The following VRK1 variants were observed in gnomAD, a reference collection of about 807,000 sequenced individuals.
VRK1 encodes the protein VRK serine/threonine kinase 1, also known as serine/threonine-protein kinase VRK1.
Under a neutral mutation model 57.1 loss-of-function variants are expected in VRK1, and 33 were observed. The ratio of observed to expected loss-of-function variants is 0.58; its 90% CI spans 0.44 to 0.77. VRK1 has a LOEUF of 0.77. Among genes scored for constraint, VRK1 ranks in the 30% least tolerant of loss-of-function variants. VRK1 has a pLI of 0.00. For synonymous variants in VRK1, 137 were observed against 147.8 expected (o/e 0.93, Z 0.53); for missense variants, 413 against 477.3 (o/e 0.87, Z 1.25).
chr14:96,847,163 G>T (rs998044454), intron 4 of VRK1, 94 bp from the exon 5 acceptor site: 38 of 903,684 alleles, frequency 4.2e-5, no homozygotes, highest in Non-Finnish European at 5.9e-5. Context: ...AATTCTTATT[G>T]CATGTATAAA....
intron 1 of VRK1, among the ~76,000 whole-genome samples, chr14:96,827,249 C>T (rs981812159): frequency 6.6e-5 from 10 of 152,004 alleles, no homozygotes; most frequent in Non-Finnish European, 1.5e-4. Context: ...CCTTTTTGCT[C>T]TATTTATATA....
rs187620259 is a variant in VRK1 at position 96,798,195 on chromosome 14, C to T, written c.-6+748C>T. ...GCAAGGGACTTTCATAACCGTTTGA[C>T]AGTTCCTCCTCATTCTGTCCTTACC... is the stretch of plus-strand genomic sequence containing the variant. On this transcript the variant is annotated intron_variant, in intron 1 of 12. Coordinates refer to ENST00000216639, the MANE Select transcript of VRK1 (RefSeq NM_003384.3). 2.0e-5 allele frequency among the ~76,000 whole-genome samples: 3 copies of T among 152,320 alleles called. No homozygotes were observed. In the East Asian group the frequency reaches 5.8e-4, roughly 29 times the overall value.
At chr14:96,835,889 A>G (rs553789294) in intron 2 of VRK1, among the ~76,000 whole-genome samples, 4 of 152,196 alleles carry the variant, frequency 2.6e-5, no homozygotes, top group African/African-American at 4.8e-5. Context: ...CTTGCACACC[A>G]TTGTTTTCAG....
chr14:96,859,573 T>C (rs769592988), intron 10 of VRK1, among the ~76,000 whole-genome samples: 10 of 152,344 alleles, frequency 6.6e-5, no homozygotes, highest in Non-Finnish European at 1.5e-4. Flanking sequence ...TTTCTTGGTA[T>C]ATTCCAAGTA....
At chr14:96,855,606 A>G (rs182426956) in intron 8 of VRK1, among the ~76,000 whole-genome samples, 2 of 152,260 alleles carry the variant, frequency 1.3e-5, no homozygotes, top group East Asian at 3.9e-4. Context: ...TTCAGCTGCC[A>G]TGAGGATTTC....
At chr14:96,871,843 C>T (rs143160299) in intron 11 of VRK1, among the ~76,000 whole-genome samples, 1,523 of 151,604 alleles carry the variant, frequency 0.01, 21 homozygotes, top group African/African-American at 0.034. Flanking sequence ...TTTTTTGAGA[C>T]GGAGTCTTGC....
chr14:96,807,966 CCT>C (rs1159471159), intron 1 of VRK1, among the ~76,000 whole-genome samples: 5 of 126,410 alleles, frequency 4.0e-5, no homozygotes, highest in Admixed American at 7.8e-5. Flanking sequence ...TCTCTCCCTC[CCT>C]CTCTCTCTGT....
chr14:96,876,015 AATTTTATAT>A lies in VRK1; in HGVS notation c.1069-14_1069-6del. The A allele has an allele frequency of 6.2e-7, 1 of 1,610,968 alleles. No individual in the cohort carries two copies. ...GTCAGATATCTCTCTCTCTCTCTTT[AATTTTATAT>A]GTAAGAAGCGAAAGAAAGAAATTGA... On this transcript the variant is annotated splice_region_variant and splice_polypyrimidine_tract_variant and intron_variant, in intron 11 of 12. Coordinates refer to ENST00000216639, the MANE Select transcript of VRK1 (RefSeq NM_003384.3).
At position 96,847,237 on chromosome 14, in the gene VRK1, A is replaced by C. The variant is rs767105576; in HGVS notation, c.287-20A>C. ...TTATGTATAACAATTGAAATCACAA[A>C]GATCTGTTTTAATTTGTAGTTCAGA... On this transcript the variant is annotated intron_variant, in intron 4 of 12. Coordinates refer to ENST00000216639, the MANE Select transcript of VRK1 (RefSeq NM_003384.3). The C allele has an allele frequency of 6.2e-7, 1 of 1,601,436 alleles. No individual in the cohort carries two copies. The highest frequency in any genetic ancestry group is 1.1e-5 in the South Asian group (1 of 90,800).
chr14:96,808,025 G>GTCTCTCTCTCTCCCTC (rs1885973148), intron 1 of VRK1, among the ~76,000 whole-genome samples: 1 of 35,742 alleles, frequency 2.8e-5, no homozygotes, highest in African/African-American at 8.0e-5. Flanking sequence ...CTCTGTGTGT[G>GTCTCTCTCTCTCCCTC]TGTGTGTGTG....
intron 1 of VRK1, among the ~76,000 whole-genome samples, chr14:96,809,730 G>A (rs990998250): frequency 2.0e-5 from 3 of 151,856 alleles, no homozygotes; most frequent in African/African-American, 4.8e-5. Flanking sequence ...CTGCCACCAC[G>A]CCTGGCTCAT....
At chr14:96,877,145 TA>T (rs889460786) in intron 12 of VRK1, among the ~76,000 whole-genome samples, 61 of 151,656 alleles carry the variant, frequency 4.0e-4, no homozygotes, top group Admixed American at 1.7e-3. Context: ...TATTTTTGGT[TA>T]AAAAAAAATT....
intron 12 of VRK1, among the ~76,000 whole-genome samples, chr14:96,878,662 G>A (rs1305053370): frequency 6.6e-6 from 1 of 152,176 alleles, no homozygotes; most frequent in Non-Finnish European, 1.5e-5. Flanking sequence ...CTTTCAAAAT[G>A]TGTATTGTGT....
At chr14:96,849,204 A>C (rs1409604055) in intron 5 of VRK1, among the ~76,000 whole-genome samples, 2 of 152,200 alleles carry the variant, frequency 1.3e-5, no homozygotes, top group African/African-American at 4.8e-5. Context: ...AATGGCTTAC[A>C]TGGTGAATTA....
At chr14:96,877,358 C>A in intron 12 of VRK1, 2 of 444,382 alleles carry the variant, frequency 4.5e-6, no homozygotes, top group Non-Finnish European at 8.0e-6. Flanking sequence ...CCAAAGAATA[C>A]TTGAGATACC....
intron 1 of VRK1, among the ~76,000 whole-genome samples, chr14:96,820,228 A>ATT (rs887688400): frequency 6.8e-6 from 1 of 147,256 alleles, no homozygotes; most frequent in Non-Finnish European, 1.5e-5. Flanking sequence ...GAAAATGATG[A>ATT]TTTTTTTTTT....
intron 11 of VRK1, among the ~76,000 whole-genome samples, chr14:96,870,864 A>G (rs1222759662): frequency 3.9e-5 from 6 of 152,150 alleles, no homozygotes; most frequent in Non-Finnish European, 8.8e-5. Context: ...GCTTGAAGGC[A>G]GCTTTCCCTA....
intron 1 of VRK1, among the ~76,000 whole-genome samples, chr14:96,831,257 A>G (rs1450931125): frequency 1.3e-5 from 2 of 152,192 alleles, no homozygotes; most frequent in Non-Finnish European, 2.9e-5. Context: ...TGTAGAGATA[A>G]AGGGATACTG....
At chr14:96,833,693 G>A (rs1275422018) in intron 2 of VRK1, 62 bp downstream of exon 2, 71 of 1,609,168 alleles carry the variant, frequency 4.4e-5, no homozygotes, top group Non-Finnish European at 5.9e-5. Context: ...TATGAAAATG[G>A]TTTCTCATTT....
Sources: gnomAD v4.1 joint callset for allele counts (sites outside exome capture counted in the v4.1 genomes callset) on GRCh38, gnomAD v4.1.1 for gene constraint, MANE v1.5 for transcripts, NCBI Gene and HGNC (gene_info 2026-07-23, HGNC 2026-07-21) for gene names.